Variants in FBRSL1 observed in about 807,000 individuals in gnomAD.
FBRSL1 encodes the protein fibrosin-1-like protein.
A neutral mutation model predicts 89.6 loss-of-function variants in FBRSL1; 51 were observed. The observed-to-expected ratio is 0.57, with a 90% CI of 0.45 to 0.72. The LOEUF (loss-of-function observed/expected upper bound fraction) is 0.72, where lower values mean the gene tolerates loss of function less well. Among genes scored for constraint, FBRSL1 ranks in the 30% least tolerant of loss-of-function variants. FBRSL1 has a pLI of 0.00. For missense variants in FBRSL1, 1,618 were observed against 1,451.8 expected, an observed-to-expected ratio of 1.11 and a Z score of -1.86; for synonymous variants, 779 against 681.1, an observed-to-expected ratio of 1.14 and a Z score of -2.24.
intron 3 of FBRSL1, among the ~76,000 whole-genome samples, chr12:132,526,833 A>G (rs1186803088): frequency 6.6e-6 from 1 of 152,036 alleles, no homozygotes; most frequent in East Asian, 1.9e-4. Context: ...CCCATCCACT[A>G]CAGCAGCCCT....
chr12:132,508,019 C>T (rs1171515435), intron 1 of FBRSL1, 134 bp from the exon 2 acceptor site: 2 of 858,440 alleles, frequency 2.3e-6, no homozygotes, highest in East Asian at 2.8e-5. Flanking sequence ...CCACAGCAGC[C>T]ATCTTCCTTT....
At chr12:132,547,586 C>T (rs1474519325) in intron 4 of FBRSL1, among the ~76,000 whole-genome samples, 3 of 152,216 alleles carry the variant, frequency 2.0e-5, no homozygotes, top group Admixed American at 6.5e-5. Context: ...CAGGGGGTCA[C>T]TGGGGACAGT....
intron 2 of FBRSL1, among the ~76,000 whole-genome samples, chr12:132,513,940 G>T (rs1412513762): frequency 6.6e-6 from 1 of 152,264 alleles, no homozygotes; most frequent in East Asian, 1.9e-4. Context: ...TGGTGTGTGG[G>T]CATCTGCCTG....
In FBRSL1 at chr12:132,525,802, C is replaced by T. The variant is rs767720907; in HGVS notation, c.558C>T (p.Ser186=). The T allele has an allele frequency of 1.9e-6, 3 of 1,549,558 alleles. No homozygotes were observed. Among genetic ancestry groups the T allele is most frequent in the Non-Finnish European group, 2.6e-6 (3 of 1,146,226 alleles). ...SDDDSVLEAT[S]SRDPLSDSSA... is the part of the protein sequence containing the mutation. ...ACGACAGCGTCCTCGAAGCCACCAG[C>T]TCCCGGGACCCGCTCAGCGATGTGA... Residue 186 remains serine (S), a synonymous_variant, in exon 3 of 19, where the codon AGC becomes AGT. Transcript: ENST00000680143.
chr12:132,514,238 C>G (rs548093287), intron 2 of FBRSL1, among the ~76,000 whole-genome samples: 1 of 152,280 alleles, frequency 6.6e-6, no homozygotes, highest in East Asian at 1.9e-4. Context: ...GGGGGGGCAC[C>G]TGGATGTTCA....
intron 4 of FBRSL1, among the ~76,000 whole-genome samples, chr12:132,542,079 C>T (rs567732641): frequency 4.9e-4 from 74 of 152,362 alleles, no homozygotes; most frequent in Middle Eastern, 6.8e-3. Context: ...CCACATGCCA[C>T]GTACAGACAT....
Position 132,504,925 on chromosome 12 carries a change from T to C in FBRSL1, c.292-3228T>C, listed in dbSNP as rs2033496492. 2.6e-5 allele frequency among the ~76,000 whole-genome samples: 4 copies of C among 151,774 alleles called. No homozygotes were observed. The South Asian group carries it at 8.3e-4, about 32-fold the overall frequency. ...TGGGCGGATCACCTGAGGTCAGGAG[T>C]TTGAGACCAGCCTGGCCAACATGGT... On this transcript the variant is annotated intron_variant, in intron 1 of 18. Transcript: ENST00000680143.
intron 6 of FBRSL1, among the ~76,000 whole-genome samples, chr12:132,567,962 G>C (rs533362295): frequency 1.0e-3 from 155 of 152,330 alleles, no homozygotes; most frequent in Non-Finnish European, 1.7e-3. Flanking sequence ...CTGGATTGCT[G>C]TTCCAGGCCA....
intron 11 of FBRSL1, 89 bp from the exon 12 acceptor site, chr12:132,574,001 C>G: frequency 1.1e-6 from 1 of 915,838 alleles, no homozygotes; most frequent in Non-Finnish European, 1.4e-6. Context: ...CAAAGCAGGG[C>G]ACAGGCCCAC....
Position 132,524,115 on chromosome 12 carries a change from C to A in FBRSL1, c.490-1619C>A, listed in dbSNP as rs567334311. Among the ~76,000 whole-genome samples the A allele has an allele frequency of 1.6e-4, 25 of 152,356 alleles. 2 individuals are homozygous for A. Among genetic ancestry groups the A allele is most frequent in the Admixed American group, 7.2e-4 (11 of 15,310 alleles). ...GCCCTGCCAGGGTTCCCGAATGTTA[C>A]AGTTACAGATGCCGAAACTGAGGCT... On this transcript the variant is annotated intron_variant, in intron 2 of 18. Transcript: ENST00000680143.
chr12:132,503,288 G>A (rs1044912272), intron 1 of FBRSL1, among the ~76,000 whole-genome samples: 1 of 152,206 alleles, frequency 6.6e-6, no homozygotes, highest in Non-Finnish European at 1.5e-5. Context: ...GGCGAGAGCC[G>A]CAAGCCCGCA....
At chr12:132,538,528 G>A (rs1446824405) in intron 4 of FBRSL1, among the ~76,000 whole-genome samples, 1 of 152,190 alleles carries the variant, frequency 6.6e-6, no homozygotes, top group Non-Finnish European at 1.5e-5. Context: ...TGATGGCCAC[G>A]GGGCCGCCAC....
intron 2 of FBRSL1, chr12:132,509,562 C>T: frequency 7.3e-6 from 9 of 1,233,024 alleles, no homozygotes; most frequent in Non-Finnish European, 9.1e-6. Context: ...GCGGTCCCTG[C>T]TGACCCCGTG....
intron 18 of FBRSL1, 39 bp downstream of exon 18, chr12:132,582,305 C>T: frequency 4.6e-6 from 7 of 1,510,600 alleles, no homozygotes; most frequent in Non-Finnish European, 6.3e-6. Context: ...ACCACACACC[C>T]CTACCCCGTT....
At chr12:132,539,151 C>T (rs952695874) in intron 4 of FBRSL1, among the ~76,000 whole-genome samples, 3 of 152,096 alleles carry the variant, frequency 2.0e-5, no homozygotes, top group African/African-American at 7.2e-5. Flanking sequence ...CCCCACCCCT[C>T]GGGCTCCATG....
intron 4 of FBRSL1, among the ~76,000 whole-genome samples, chr12:132,540,616 CCA>C (rs2037178522): frequency 6.6e-6 from 1 of 152,060 alleles, no homozygotes; most frequent in African/African-American, 2.4e-5. Flanking sequence ...GACCCGCCCA[CCA>C]CACACTGTCA....
rs2040950896 is a variant in FBRSL1, at chr12:132,583,641, C to A, written c.2872C>A (p.Pro958Thr). 1 of 1,012,036 alleles carries A rather than the reference C, an allele frequency of 9.9e-7. No individual in the cohort carries two copies. Among genetic ancestry groups the A allele is most frequent in the South Asian group, 4.5e-5 (1 of 22,276 alleles). The allele number at this position is 1,012,036 out of a possible 1,614,324, so 62.7% of individuals were successfully genotyped here. ...CGCCGCCGCCCTCGGCGCACCGCCC[C>A]CCCTGGTGACGGCGGCCGGGCCCCC... Reference protein sequence around the residue: ...PAAAALGAPPPLVTAAGPPTP... With the variant: ...PAAAALGAPPTLVTAAGPPTP... The change falls in exon 19 of 19, where the codon CCC (proline) becomes ACC (threonine). Residue 958 changes from proline to threonine, a missense_variant. Coordinates refer to ENST00000680143, the MANE Select transcript of FBRSL1 (RefSeq NM_001367871.1).
chr12:132,565,336 A>T (rs557633736), intron 5 of FBRSL1: 1 of 152,342 alleles, frequency 6.6e-6, no homozygotes, highest in South Asian at 2.1e-4. Context: ...CACATTCTAC[A>T]ATTTCACCAA....
intron 2 of FBRSL1, 148 bp downstream of exon 2, chr12:132,508,498 C>A: frequency 9.9e-7 from 1 of 1,014,872 alleles, no homozygotes; most frequent in Non-Finnish European, 1.4e-6. Flanking sequence ...GTGCAGGACA[C>A]GTGGACAGGG....
Sources: gnomAD v4.1 joint callset for allele counts (sites outside exome capture counted in the v4.1 genomes callset) on GRCh38, gnomAD v4.1.1 for gene constraint, MANE v1.5 for transcripts, NCBI Gene and HGNC (gene_info 2026-07-23, HGNC 2026-07-21) for gene names.